The following FYCO1 variants were observed in gnomAD, a reference collection of about 807,000 sequenced individuals.
FYCO1 encodes FYVE and coiled-coil domain autophagy adaptor 1, also known as FYVE and coiled-coil domain-containing protein 1.
In FYCO1, 122 loss-of-function variants were observed where a neutral mutation model predicts 165.1. That is an observed-to-expected ratio of 0.74 (90% CI 0.64 to 0.86). The LOEUF is 0.86. Ranked by LOEUF, FYCO1 falls within the 40% of genes least tolerant of loss-of-function variation. FYCO1 has a pLI of 0.00. For synonymous variants in FYCO1, 648 were observed against 742.5 expected, an observed-to-expected ratio of 0.87 and a Z score of 2.07; for missense variants, 1,702 against 1,810.3, an observed-to-expected ratio of 0.94 and a Z score of 1.09.
rs908779240 is a variant in FYCO1 at position 45,952,635 on chromosome 3, A to G, written c.3944+2614T>C. Among the ~76,000 whole-genome samples the G allele has an allele frequency of 7.2e-5, 11 of 152,266 alleles. No individual in the cohort carries two copies. The East Asian group carries it at 1.5e-3, about 21-fold the overall frequency. ...CTGGAACAGTTCCTGATTTCCCAAG[A>G]CCAAACCACACATATTTGTCAGCAG... On this transcript the variant is annotated intron_variant, in intron 14 of 17. Coordinates refer to ENST00000296137, the MANE Select transcript of FYCO1 (RefSeq NM_024513.4).
Position 45,920,686 on chromosome 3 carries a change from G to A in FYCO1, c.*1079C>T. 1 of 152,892 alleles carries A rather than the reference G, an allele frequency of 6.5e-6. No homozygotes were observed. Among genetic ancestry groups the A allele is most frequent in the Non-Finnish European group, 1.5e-5 (1 of 68,114 alleles). The allele number at this position is 152,892 out of a possible 1,614,324, so 9.5% of individuals were successfully genotyped here. A position where few individuals can be genotyped will look rare whatever the true frequency, so the allele number is the denominator to read the frequency against. On this transcript the variant is annotated 3_prime_UTR_variant, in exon 18 of 18. Transcript: ENST00000296137. Reference sequence around the variant, plus strand: ...GGGCAAATGGGCTGTTGGGGAACCTGTCAGGAGGGGAGTGGGGCCCAGGGA... The same window carrying A: ...GGGCAAATGGGCTGTTGGGGAACCTATCAGGAGGGGAGTGGGGCCCAGGGA...
chr3:45,964,236 CT>C lies in FYCO1; in HGVS notation c.3269+99del. On this transcript the variant is annotated intron_variant, in intron 10 of 17. Transcript: ENST00000296137. This position sits in a 1 kb window ranked among gnomAD's most constrained non-coding sequence, Gnocchi z 4.1. Reference sequence around the variant, plus strand: ...GTTTGTGGCTTTTCTTGCAAAAGGACTTCCTAAACCTAATATGAGTGACTGA... The same window carrying C: ...GTTTGTGGCTTTTCTTGCAAAAGGACTCCTAAACCTAATATGAGTGACTGA... The C allele has an allele frequency of 1.0e-6, 1 of 976,188 alleles. No homozygotes were observed. 60.5% of individuals were successfully genotyped at this position (976,188 alleles called of 1,614,324 possible). A position where few individuals can be genotyped will look rare whatever the true frequency, so the allele number is the denominator to read the frequency against.
chr3:45,977,400 TATATATAA>T (rs1706826057), intron 4 of FYCO1, among the ~76,000 whole-genome samples: 1 of 69,100 alleles, frequency 1.4e-5, no homozygotes, highest in Non-Finnish European at 3.5e-5. Flanking sequence ...TATATATATA[TATATATAA>T]AGGGAACTAT....
At chr3:45,946,632 C>G (rs1423218793) in intron 14 of FYCO1, 1 of 1,614,202 alleles carries the variant, frequency 6.2e-7, no homozygotes, top group South Asian at 1.1e-5. Flanking sequence ...GGGGAACTCT[C>G]TGGTGCTGGT....
Position 45,921,702 on chromosome 3 carries a change from A to C in FYCO1, c.*63T>G. On this transcript the variant is annotated 3_prime_UTR_variant, in exon 18 of 18. Coordinates refer to ENST00000296137, the MANE Select transcript of FYCO1 (RefSeq NM_024513.4). Reference sequence around the variant, plus strand: ...AGCTGACTTTTTAAAAAAATGCTTTATGTGACAGGTGAGGAAGAGCAGTGT... The same window carrying C: ...AGCTGACTTTTTAAAAAAATGCTTTCTGTGACAGGTGAGGAAGAGCAGTGT... 1 of 1,121,520 alleles carries C rather than the reference A, an allele frequency of 8.9e-7. No individual in the cohort carries two copies. Among genetic ancestry groups the C allele is most frequent in the East Asian group, 2.4e-5 (1 of 42,426 alleles). The allele number at this position is 1,121,520 out of a possible 1,614,324, so 69.5% of individuals were successfully genotyped here.
chr3:45,955,338 A>G lies in FYCO1; in HGVS notation c.3855T>C (p.Asp1285=). 6.2e-7 allele frequency: 1 copy of G among 1,614,168 alleles called. No homozygotes were observed. The highest frequency in any genetic ancestry group is 8.5e-7 in the Non-Finnish European group (1 of 1,180,000). Residue 1285 remains aspartate, a synonymous_variant, in exon 14 of 18, where the codon GAT becomes GAC. Coordinates refer to ENST00000296137, the MANE Select transcript of FYCO1 (RefSeq NM_024513.4). ...ACTCCTGTATCTGGCACAATTCCTC[A>G]TCTGTGATGATATCAAACACAGCGT... ...PDDAVFDIIT[D]EELCQIQESG...
At chr3:45,948,973 C>A (rs1270251035) in intron 14 of FYCO1, among the ~76,000 whole-genome samples, 1 of 152,082 alleles carries the variant, frequency 6.6e-6, no homozygotes, top group East Asian at 1.9e-4. Context: ...GAGAAAAGGT[C>A]CAAAAAATAG....
intron 17 of FYCO1, among the ~76,000 whole-genome samples, chr3:45,923,105 T>C (rs1010551358): frequency 6.6e-6 from 1 of 152,236 alleles, no homozygotes; most frequent in Non-Finnish European, 1.5e-5. Context: ...TATACACTCC[T>C]GAACCTTAGC....
intron 2 of FYCO1, 190 bp downstream of exon 2, chr3:45,984,666 G>C: frequency 1.4e-6 from 1 of 691,784 alleles, no homozygotes; most frequent in South Asian, 1.6e-5. Context: ...AAGGAAACCA[G>C]GCAAGCTTTC....
At chr3:45,951,764 A>G (rs1181787065) in intron 14 of FYCO1, among the ~76,000 whole-genome samples, 9 of 152,162 alleles carry the variant, frequency 5.9e-5, no homozygotes, top group Admixed American at 5.9e-4. Context: ...TCTAGGTCTG[A>G]GCCATGCACA....
chr3:45,984,628 T>C (rs1481259933), intron 2 of FYCO1: 1 of 632,558 alleles, frequency 1.6e-6, no homozygotes, highest in Non-Finnish European at 2.8e-6. Context: ...TATGATTTTG[T>C]TTACAAACTG....
At position 45,919,277 on chromosome 3, in the gene FYCO1, C is replaced by T. The variant is rs1703014391; in HGVS notation, c.*2488G>A. On this transcript the variant is annotated 3_prime_UTR_variant, in exon 18 of 18. Coordinates refer to ENST00000296137, the MANE Select transcript of FYCO1 (RefSeq NM_024513.4). ...AATAAAGCTATTTATAAAAGCCACT[C>T]TTAAATATGCCAAGATGTTTTGTAG... 6.6e-6 allele frequency: 1 copy of T among 152,164 alleles called. No individual in the cohort carries two copies. Among genetic ancestry groups the T allele is most frequent in the South Asian group, 2.1e-4 (1 of 4,824 alleles). The allele number at this position is 152,164 out of a possible 1,614,324, so 9.4% of individuals were successfully genotyped here.
rs781553289 is a variant in FYCO1, at chr3:45,955,363, T to C, written c.3830A>G (p.Asp1277Gly). 3 of 1,614,170 alleles carry C rather than the reference T, an allele frequency of 1.9e-6. No homozygotes were observed. Among genetic ancestry groups the C allele is most frequent in the East Asian group, 2.2e-5 (1 of 44,884 alleles). ...GANTDYRPPD[D>G]AVFDIITDEE... ...ATCTGTGATGATATCAAACACAGCGTCGTCCGGTGGCCTGTAGTCTGTATT... is the reference window on the plus strand; with the variant it reads ...ATCTGTGATGATATCAAACACAGCGCCGTCCGGTGGCCTGTAGTCTGTATT... Residue 1277 changes from aspartate (D) to glycine (G), a missense_variant, in exon 14 of 18, where the codon GAC (aspartate) becomes GGC (glycine). Coordinates refer to ENST00000296137, the MANE Select transcript of FYCO1 (RefSeq NM_024513.4).
At chr3:45,937,816 CCTT>C (rs930652420) in intron 14 of FYCO1, among the ~76,000 whole-genome samples, 1 of 152,196 alleles carries the variant, frequency 6.6e-6, no homozygotes, top group Non-Finnish European at 1.5e-5. Flanking sequence ...CCTAACACCT[CCTT>C]CTTTTTGCTT....
At chr3:45,971,544 G>A (rs1706447271) in intron 6 of FYCO1, among the ~76,000 whole-genome samples, 1 of 152,186 alleles carries the variant, frequency 6.6e-6, no homozygotes, top group Non-Finnish European at 1.5e-5. Context: ...TCAACACTGT[G>A]TGCCTCCAGA....
At position 45,973,019 on chromosome 3, in the gene FYCO1, T is replaced by C. The variant is rs1199616113; in HGVS notation, c.539+69A>G. On this transcript the variant is annotated intron_variant, in intron 6 of 17. Transcript: ENST00000296137. ...GCAAGCAAAATTGTTTTGAGTAGAC[T>C]GGTGGCAATCTTCAAAACTTCAAAT... 2.6e-6 allele frequency: 4 copies of C among 1,552,444 alleles called. 1 individual carries two copies. In the Admixed American group the frequency reaches 5.1e-5, roughly 20 times the overall value.
intron 14 of FYCO1, chr3:45,943,511 C>G (rs1158724057): frequency 6.6e-6 from 1 of 152,198 alleles, no homozygotes; most frequent in African/African-American, 2.4e-5. Flanking sequence ...AAGCTCATCT[C>G]TGGAACAAAC....
intron 5 of FYCO1, among the ~76,000 whole-genome samples, chr3:45,974,388 T>C (rs1355058658): frequency 6.6e-6 from 1 of 152,208 alleles, no homozygotes; most frequent in African/African-American, 2.4e-5. Flanking sequence ...AACTGTGCGA[T>C]CTTCACCAAA....
At chr3:45,995,128 C>A (rs1380579576) in intron 1 of FYCO1, among the ~76,000 whole-genome samples, 1 of 132,924 alleles carries the variant, frequency 7.5e-6, no homozygotes, top group Non-Finnish European at 1.6e-5. Context: ...ACAGGTGTTT[C>A]GGGAAAAGAC....
Sources: allele counts gnomAD v4.1 joint callset (sites outside exome capture counted in the v4.1 genomes callset), GRCh38; gene constraint gnomAD v4.1.1; non-coding constraint Gnocchi (gnomAD v3.1); transcripts MANE v1.5; gene names NCBI Gene and HGNC (gene_info 2026-07-23, HGNC 2026-07-21).